Variants in SETD5 observed in about 807,000 individuals in gnomAD.
The protein encoded by SETD5 is histone-lysine N-methyltransferase SETD5.
SETD5 carries 44 observed loss-of-function variants against 153.3 expected under a neutral mutation model. The ratio of observed to expected loss-of-function variants is 0.29; its 90% CI spans 0.23 to 0.37. The LOEUF (loss-of-function observed/expected upper bound fraction) is 0.37, where lower values mean the gene tolerates loss of function less well. Among genes scored for constraint, SETD5 ranks in the 10% least tolerant of loss-of-function variants. The probability of loss-of-function intolerance (pLI) is 1.00; values close to 1 mark genes in which losing one functional copy is unlikely to be tolerated. For synonymous variants in SETD5, 716 were observed against 645.2 expected (o/e 1.11, Z -1.66); for missense variants, 1,544 against 1,768.0 (o/e 0.87, Z 2.27).
At chr3:9,440,392 C>T in intron 7 of SETD5, 64 bp from the exon 8 acceptor site, 1 of 859,204 alleles carries the variant, frequency 1.2e-6, no homozygotes, top group Non-Finnish European at 2.0e-6. Flanking sequence ...CTTGTCCCAC[C>T]CCCATTCCCA....
At chr3:9,427,479 G>A (rs565700040) in intron 2 of SETD5, among the ~76,000 whole-genome samples, 1 of 152,328 alleles carries the variant, frequency 6.6e-6, no homozygotes, top group Non-Finnish European at 1.5e-5. Flanking sequence ...GAAGCCAGGA[G>A]GCGGAGGTTG....
At position 9,440,555 on chromosome 3, in the gene SETD5, A is replaced by G; in HGVS notation, c.667A>G (p.Asn223Asp). The change falls in exon 8 of 23, where the codon AAT becomes GAT. Residue 223 changes from asparagine to aspartate, a missense_variant. By Grantham distance (23) the Asn-to-Asp change is conservative (BLOSUM62 1). This residue lies in a region of SETD5 where 251 missense variants were observed against 326.9 expected (regional missense o/e 0.77). Coordinates refer to ENST00000402198, the MANE Select transcript of SETD5 (RefSeq NM_001080517.3). ...WTDQYEEAFTNQYSADVQNAL... is the reference protein window; with the variant it reads ...WTDQYEEAFTDQYSADVQNAL... ...TGACCAGTATGAAGAAGCTTTCACT[A>G]ATCAGTACAGTGCAGATGTACAGAA... The G allele has an allele frequency of 6.2e-7, 1 of 1,614,008 alleles. No individual in the cohort carries two copies. The highest frequency in any genetic ancestry group is 8.5e-7 in the Non-Finnish European group (1 of 1,179,858).
intron 1 of SETD5, among the ~76,000 whole-genome samples, chr3:9,424,246 T>C (rs2038824751): frequency 6.6e-6 from 1 of 152,198 alleles, no homozygotes; most frequent in South Asian, 2.1e-4. Flanking sequence ...AGTCAAATAA[T>C]TTCCTTCTCT....
intron 3 of SETD5, among the ~76,000 whole-genome samples, chr3:9,432,898 G>C (rs941723556): frequency 1.3e-5 from 2 of 152,164 alleles, no homozygotes; most frequent in Non-Finnish European, 2.9e-5. Context: ...TTCTTTAAAG[G>C]ACTGAATGTC....
intron 16 of SETD5, among the ~76,000 whole-genome samples, chr3:9,450,595 T>C (rs2042507604): frequency 6.6e-6 from 1 of 152,212 alleles, no homozygotes; most frequent in Non-Finnish European, 1.5e-5. Flanking sequence ...TATCTCCTAA[T>C]ATTGGTTAGA....
At chr3:9,442,290 G>T in intron 10 of SETD5, 45 bp downstream of exon 10, 1 of 1,339,932 alleles carries the variant, frequency 7.5e-7, no homozygotes, top group South Asian at 1.2e-5. Flanking sequence ...ACCATCAAAT[G>T]ACAAGCTTAC....
At chr3:9,439,022 T>TA (rs1156259182) in intron 7 of SETD5, among the ~76,000 whole-genome samples, 1 of 152,240 alleles carries the variant, frequency 6.6e-6, no homozygotes, top group African/African-American at 2.4e-5. Context: ...CAATGGCTAA[T>TA]ACTGTGACAG....
chr3:9,445,105 A>T lies in SETD5; in HGVS notation c.1245A>T (p.Lys415Asn), dbSNP rs1333174153. 1 of 1,613,956 alleles carries T rather than the reference A, an allele frequency of 6.2e-7. No individual in the cohort carries two copies. The highest frequency in any genetic ancestry group is 1.3e-5 in the African/African-American group (1 of 75,022). Residue 415 changes from lysine (K) to asparagine (N), a missense_variant, in exon 12 of 23, where the codon AAA becomes AAT. Around this residue, in one of 9 missense-constraint regions of SETD5, gnomAD observed 782 missense variants for 787.2 expected, o/e 0.99. Transcript: ENST00000402198. ...GAAACCGGAATTGTCCTATACAAAA[A>T]AGGAATCCTAATGCTACAGAACTGC... Reference protein sequence around the residue: ...HKGNRNCPIQKRNPNATELPL... With the variant: ...HKGNRNCPIQNRNPNATELPL...
intron 3 of SETD5, chr3:9,432,260 A>C: frequency 1.0e-6 from 1 of 976,486 alleles, no homozygotes; most frequent in Non-Finnish European, 1.2e-6. Flanking sequence ...AAAGTTCTTC[A>C]CTTAGAAATT....
At chr3:9,464,403 A>G (rs767994414) in intron 17 of SETD5, 22 bp from the exon 18 acceptor site, 1 of 1,598,672 alleles carries the variant, frequency 6.3e-7, no homozygotes, top group Non-Finnish European at 8.6e-7. Flanking sequence ...TCAAACTCTC[A>G]TCCAAGCTTT....
At chr3:9,400,658 A>G (rs2034615607) in intron 1 of SETD5, among the ~76,000 whole-genome samples, 2 of 152,212 alleles carry the variant, frequency 1.3e-5, no homozygotes, top group Non-Finnish European at 2.9e-5. Context: ...TTGACTTATA[A>G]GATTGATTCA....
At chr3:9,451,242 G>T (rs529285359) in intron 16 of SETD5, among the ~76,000 whole-genome samples, 63 of 152,246 alleles carry the variant, frequency 4.1e-4, no homozygotes, top group African/African-American at 1.4e-3. Context: ...ACATAGCATT[G>T]AAATTTAGTT....
At chr3:9,404,573 T>A (rs2035362416) in intron 1 of SETD5, among the ~76,000 whole-genome samples, 1 of 152,184 alleles carries the variant, frequency 6.6e-6, no homozygotes, top group Non-Finnish European at 1.5e-5. Context: ...TTCCATAAAT[T>A]TGTGGGACTA....
Position 9,476,514 on chromosome 3 carries a change from C to T in SETD5, c.*423C>T, listed in dbSNP as rs1162699452. On this transcript the variant is annotated 3_prime_UTR_variant, in exon 23 of 23. Transcript: ENST00000402198. ...GAAAAAAAGTTAAAAGAGCCAATCTCAAAGCCCCAAGCCATCTGAGTACTG... is the reference window on the plus strand; with the variant it reads ...GAAAAAAAGTTAAAAGAGCCAATCTTAAAGCCCCAAGCCATCTGAGTACTG... 2 of 159,868 alleles carry T rather than the reference C, an allele frequency of 1.3e-5. No individual in the cohort carries two copies. The highest frequency in any genetic ancestry group is 4.9e-5 in the African/African-American group (2 of 40,932). The allele number at this position is 159,868 out of a possible 1,614,324, so 9.9% of individuals were successfully genotyped here. A position where few individuals can be genotyped will look rare whatever the true frequency, so the allele number is the denominator to read the frequency against.
At chr3:9,457,840 TTC>T (rs528615650) in intron 17 of SETD5, among the ~76,000 whole-genome samples, 1 of 151,336 alleles carries the variant, frequency 6.6e-6, no homozygotes, top group South Asian at 2.1e-4. Context: ...TTCTTTCTCT[TTC>T]TCTCTGTCTT....
intron 1 of SETD5, among the ~76,000 whole-genome samples, chr3:9,422,277 T>A (rs77063999): frequency 6.6e-6 from 1 of 152,202 alleles, no homozygotes; most frequent in Middle Eastern, 3.2e-3. Flanking sequence ...CAGCATACCT[T>A]ATATGTCAGC....
Position 9,441,694 on chromosome 3 carries a change from A to G in SETD5, c.912A>G (p.Lys304=), listed in dbSNP as rs2041312916. 6.2e-7 allele frequency: 1 copy of G among 1,614,038 alleles called. No individual in the cohort carries two copies. The highest frequency in any genetic ancestry group is 1.3e-5 in the African/African-American group (1 of 75,066). ...LDTLIIEYRG[K]VMLRQQFEVN... is the part of the protein sequence containing the mutation. Reference sequence around the variant, plus strand: ...CTCTTATAATAGAGTATCGTGGGAAAGTCATGTTACGACAGCAATTTGAGG... The same window carrying G: ...CTCTTATAATAGAGTATCGTGGGAAGGTCATGTTACGACAGCAATTTGAGG... Residue 304 remains lysine, a synonymous_variant, in exon 9 of 23, where the codon AAA becomes AAG. Transcript: ENST00000402198.
chr3:9,458,946 T>A (rs972865535), intron 17 of SETD5, among the ~76,000 whole-genome samples: 4 of 152,112 alleles, frequency 2.6e-5, no homozygotes, highest in Admixed American at 6.5e-5. Context: ...TCTTTATTAA[T>A]CAAAATAGGA....
At chr3:9,433,747 G>C (rs2040238936) in intron 3 of SETD5, 98 bp from the exon 4 acceptor site, 4 of 1,230,136 alleles carry the variant, frequency 3.3e-6, no homozygotes, top group Non-Finnish European at 4.7e-6. Context: ...GTGGCTAGTG[G>C]TTGTGGAAAG....
Sources: gnomAD v4.1 joint callset for allele counts (sites outside exome capture counted in the v4.1 genomes callset) on GRCh38, gnomAD v4.1.1 for gene constraint, gnomAD v4.1.1 regional missense constraint, MANE v1.5 for transcripts, NCBI Gene and HGNC (gene_info 2026-07-23, HGNC 2026-07-21) for gene names.